Variants in ARMC6 observed in about 807,000 individuals in gnomAD.
ARMC6 encodes armadillo repeat containing 6.
Under a neutral mutation model 49.2 loss-of-function variants are expected in ARMC6, and 43 were observed. That is an observed-to-expected ratio of 0.87 (90% CI 0.69 to 1.13). The LOEUF (loss-of-function observed/expected upper bound fraction) is 1.13, where lower values mean the gene tolerates loss of function less well. ARMC6 is among the 50% of genes most tolerant of loss of function. The probability of loss-of-function intolerance (pLI) is 0.00; values close to 1 mark genes in which losing one functional copy is unlikely to be tolerated. For missense variants in ARMC6, 627 were observed against 682.0 expected, an observed-to-expected ratio of 0.92 and a Z score of 0.90; for synonymous variants, 262 against 289.6, an observed-to-expected ratio of 0.90 and a Z score of 0.97.
intron 6 of ARMC6, among the ~76,000 whole-genome samples, chr19:19,054,898 G>T (rs566652622): frequency 5.3e-5 from 8 of 152,314 alleles, no homozygotes; most frequent in African/African-American, 1.7e-4. Context: ...TGGGGGCAGG[G>T]TCCTCAGGTT....
At chr19:19,040,879 G>C (rs1042328580) in intron 2 of ARMC6, 1 of 295,776 alleles carries the variant, frequency 3.4e-6, no homozygotes, top group Non-Finnish European at 7.1e-6. Context: ...GTAGCTACCA[G>C]GCATCCCTTA....
intron 3 of ARMC6, 30 bp from the exon 4 acceptor site, chr19:19,043,962 C>G (rs1195384542): frequency 6.2e-7 from 1 of 1,602,574 alleles, no homozygotes; most frequent in Admixed American, 1.7e-5. Context: ...TTTCTGACCC[C>G]TGTGTGCTTG....
Position 19,042,855 on chromosome 19 carries a change from C to T in ARMC6, c.174C>T (p.Ala58=), listed in dbSNP as rs758813755. Residue 58 remains alanine (A), a synonymous_variant, in exon 3 of 9, where the codon GCC becomes GCT. Transcript: ENST00000535612. ...AMGPEEAVKE[A]VEQFESQGVD... is the part of the protein sequence containing the mutation. ...GGCCAGAGGAGGCAGTGAAAGAGGC[C>T]GTGGAGCAGTTTGAATCGCAAGGTA... 38 of 1,613,766 alleles carry T rather than the reference C, an allele frequency of 2.4e-5. No individual in the cohort carries two copies. The highest frequency in any genetic ancestry group is 2.3e-4 in the South Asian group (21 of 91,084).
chr19:19,051,752 A>G lies in ARMC6; in HGVS notation c.410A>G (p.Tyr137Cys). 1.2e-6 allele frequency: 2 copies of G among 1,613,938 alleles called. No homozygotes were observed. Among genetic ancestry groups the G allele is most frequent in the Non-Finnish European group, 1.7e-6 (2 of 1,180,004 alleles). ...CRFLAAQKGA[Y>C]PIIFTAWKLA... The stretch of plus-strand genomic sequence containing the variant: ...TTCCTCGCGGCCCAGAAGGGGGCCT[A>G]CCCCATCATCTTCACTGCCTGGAAG... Residue 137 changes from tyrosine to cysteine, a missense_variant, in exon 5 of 9, where the codon TAC (tyrosine) becomes TGC (cysteine). By Grantham distance (194) the Tyr-to-Cys change is radical. Transcript: ENST00000535612.
intron 2 of ARMC6, among the ~76,000 whole-genome samples, chr19:19,036,593 ACT>A (rs2059370850): frequency 6.6e-6 from 1 of 151,708 alleles, no homozygotes; most frequent in African/African-American, 2.4e-5. Flanking sequence ...CTACTGAGAA[ACT>A]CTTTATATTA....
intron 2 of ARMC6, among the ~76,000 whole-genome samples, chr19:19,041,830 T>A (rs1298097428): frequency 6.6e-6 from 1 of 152,232 alleles, no homozygotes; most frequent in Admixed American, 6.5e-5. Flanking sequence ...ATCTACCCTC[T>A]TAGCAAATTT....
At chr19:19,057,250 A>G in intron 8 of ARMC6, among the ~76,000 whole-genome samples, 166 bp from the exon 9 acceptor site, 1 of 152,228 alleles carries the variant, frequency 6.6e-6, no homozygotes, top group East Asian at 1.9e-4. Context: ...GGGGCTGCCA[A>G]GAGGGTAAAG....
chr19:19,052,124 A>G lies in ARMC6; in HGVS notation c.782A>G (p.His261Arg). Residue 261 changes from histidine to arginine, a missense_variant, in exon 5 of 9, where the codon CAT becomes CGT. Transcript: ENST00000535612. ...FDDDIRVPFGHAHNHAKMIVQ... is the reference protein window; with the variant it reads ...FDDDIRVPFGRAHNHAKMIVQ... ...GACGACATCCGTGTGCCCTTTGGCCATGCCCACAACCATGCCAAGATGATT... is the reference window on the plus strand; with the variant it reads ...GACGACATCCGTGTGCCCTTTGGCCGTGCCCACAACCATGCCAAGATGATT... 6.2e-7 allele frequency: 1 copy of G among 1,613,916 alleles called. No homozygotes were observed. The highest frequency in any genetic ancestry group is 8.5e-7 in the Non-Finnish European group (1 of 1,180,020).
chr19:19,056,649 G>A (rs907571460), intron 8 of ARMC6, among the ~76,000 whole-genome samples: 1 of 152,170 alleles, frequency 6.6e-6, no homozygotes, highest in African/African-American at 2.4e-5. Flanking sequence ...GTTTCAGAAA[G>A]GTTTCTGCCC....
At chr19:19,049,655 C>T (rs1261851087) in intron 4 of ARMC6, among the ~76,000 whole-genome samples, 2 of 152,356 alleles carry the variant, frequency 1.3e-5, no homozygotes, top group African/African-American at 2.4e-5. Flanking sequence ...CCATGTTCCT[C>T]TTCCCCTCAG....
Position 19,054,385 on chromosome 19 carries a change from T to C in ARMC6, c.1023+64T>C, listed in dbSNP as rs2059526006. Reference sequence around the variant, plus strand: ...GGGTCCCAGTCAACCGGACGAGCTATAGTCAGAACAAGCCAGCCCTGCCTG... The same window carrying C: ...GGGTCCCAGTCAACCGGACGAGCTACAGTCAGAACAAGCCAGCCCTGCCTG... On this transcript the variant is annotated intron_variant, in intron 6 of 8. Coordinates refer to ENST00000535612, the MANE Select transcript of ARMC6 (RefSeq NM_001199196.2). 50 of 1,415,280 alleles carry C rather than the reference T, an allele frequency of 3.5e-5. 1 individual carries two copies. The South Asian group carries it at 7.3e-4, about 21-fold the overall frequency. The allele number at this position is 1,415,280 out of a possible 1,614,324, so 87.7% of individuals were successfully genotyped here.
intron 1 of ARMC6, 67 bp from the exon 2 acceptor site, chr19:19,034,064 C>G (rs964467319): frequency 2.0e-5 from 13 of 636,206 alleles, no homozygotes; most frequent in Middle Eastern, 8.1e-4. Flanking sequence ...CAGAAGCCGC[C>G]TGGGGACAAA....
chr19:19,036,598 T>TCCTTTATTACTTCC, intron 2 of ARMC6, among the ~76,000 whole-genome samples: 1 of 152,230 alleles, frequency 6.6e-6, no homozygotes, highest in Non-Finnish European at 1.5e-5. Flanking sequence ...GAGAAACTCT[T>TCCTTTATTACTTCC]TATATTACTC....
At chr19:19,046,931 TTTTTTTTTTTTCTTTTTCTATTTC>T (rs1478852357) in intron 4 of ARMC6, among the ~76,000 whole-genome samples, 3 of 148,242 alleles carry the variant, frequency 2.0e-5, no homozygotes, top group Non-Finnish European at 4.5e-5. Context: ...TCACCTGTTT[TTTTTTTTTTTTCTTTTTCTATTTC>T]TTTTTTTTTT....
intron 2 of ARMC6, among the ~76,000 whole-genome samples, chr19:19,042,287 T>A (rs929841267): frequency 6.6e-6 from 1 of 152,224 alleles, no homozygotes; most frequent in African/African-American, 2.4e-5. Context: ...ATTACTAGTA[T>A]CATTATATTA....
chr19:19,053,626 C>T (rs1008765281), intron 5 of ARMC6, among the ~76,000 whole-genome samples: 1 of 152,128 alleles, frequency 6.6e-6, no homozygotes, highest in African/African-American at 2.4e-5. Context: ...AGGAACTGAC[C>T]GTCGCAGCCC....
intron 8 of ARMC6, 142 bp from the exon 9 acceptor site, chr19:19,057,274 C>G: frequency 1.5e-6 from 1 of 682,906 alleles, no homozygotes; most frequent in Non-Finnish European, 2.5e-6. Flanking sequence ...AGAGATGGGT[C>G]TAGCTTGATA....
At position 19,055,156 on chromosome 19, in the gene ARMC6, C is replaced by A; in HGVS notation, c.1024-109C>A. 7.2e-7 allele frequency: 1 copy of A among 1,382,948 alleles called. No homozygotes were observed. The highest frequency in any genetic ancestry group is 9.6e-7 in the Non-Finnish European group (1 of 1,044,356). 85.7% of individuals were successfully genotyped at this position (1,382,948 alleles called of 1,614,324 possible). On this transcript the variant is annotated intron_variant, in intron 6 of 8. Transcript: ENST00000535612. This position sits in a 1 kb window ranked among gnomAD's most constrained non-coding sequence, Gnocchi z 5.7. The stretch of plus-strand genomic sequence containing the variant: ...CTTCTCGTTAGTCACACCCTGCAGT[C>A]ACACCATACCTGTTGGTCAAACAGC...
chr19:19,057,764 A>AAGGGTCGGGGGAGG lies in ARMC6; in HGVS notation c.*137_*150dup, dbSNP rs772837242. On this transcript the variant is annotated 3_prime_UTR_variant, in exon 9 of 9. Coordinates refer to ENST00000535612, the MANE Select transcript of ARMC6 (RefSeq NM_001199196.2). Reference sequence around the variant, plus strand: ...AGTGTTTTCTGGCAGGCCCTAGGTAAAGGGTCGGGGGAGGGGGGAGCCTTG... The same window carrying AAGGGTCGGGGGAGG: ...AGTGTTTTCTGGCAGGCCCTAGGTAAAGGGTCGGGGGAGGAGGGTCGGGGGAGGGGGGAGCCTTG... 1.1e-5 allele frequency: 6 copies of AAGGGTCGGGGGAGG among 531,142 alleles called. No individual in the cohort carries two copies. Among genetic ancestry groups the AAGGGTCGGGGGAGG allele is most frequent in the Admixed American group, 4.0e-5 (2 of 50,466 alleles). The allele number at this position is 531,142 out of a possible 1,614,324, so 32.9% of individuals were successfully genotyped here.
Sources: allele counts gnomAD v4.1 joint callset (sites outside exome capture counted in the v4.1 genomes callset), GRCh38; gene constraint gnomAD v4.1.1; non-coding constraint Gnocchi (gnomAD v3.1); transcripts MANE v1.5; gene names NCBI Gene and HGNC (gene_info 2026-07-23, HGNC 2026-07-21).